IL1RAPL1: variants seen among roughly 807,000 people sequenced by gnomAD.
IL1RAPL1 encodes the protein interleukin 1 receptor accessory protein like 1.
In IL1RAPL1, 3 loss-of-function variants were observed where a neutral mutation model predicts 48.4. The ratio of observed to expected loss-of-function variants is 0.06; its 90% CI spans 0.03 to 0.16. The LOEUF (loss-of-function observed/expected upper bound fraction) is 0.16, where lower values mean the gene tolerates loss of function less well. IL1RAPL1 is among the 10% of genes least tolerant of loss of function. The pLI is 1.00. For missense variants in IL1RAPL1, 349 were observed against 530.6 expected, an observed-to-expected ratio of 0.66 and a Z score of 3.36; for synonymous variants, 185 against 187.7, an observed-to-expected ratio of 0.99 and a Z score of 0.12.
At chrX:28,650,566 A>G (rs1934671240) in intron 1 of IL1RAPL1, among the ~76,000 whole-genome samples, 2 of 111,822 alleles carry the variant, frequency 1.8e-5, no homozygotes, top group African/African-American at 6.5e-5. Context: ...GGGGACACAG[A>G]CAAACCATAT....
At chrX:29,563,829 A>G (rs1922317160) in intron 5 of IL1RAPL1, among the ~76,000 whole-genome samples, 1 of 112,285 alleles carries the variant, frequency 8.9e-6, no homozygotes, top group South Asian at 3.7e-4. Flanking sequence ...GCAATCCTGT[A>G]TCTAATGCTA....
At chrX:29,747,911 A>G (rs1285138615) in intron 6 of IL1RAPL1, among the ~76,000 whole-genome samples, 1 of 112,232 alleles carries the variant, frequency 8.9e-6, no homozygotes, top group African/African-American at 3.2e-5. Flanking sequence ...CAACGCTAGT[A>G]CTACAGAGCT....
chrX:28,644,939 G>A (rs759787711), intron 1 of IL1RAPL1, among the ~76,000 whole-genome samples: 1 of 111,175 alleles, frequency 9.0e-6, no homozygotes, highest in South Asian at 3.8e-4. Context: ...GAGCTCTATT[G>A]GCTATGTAGT....
intron 1 of IL1RAPL1, among the ~76,000 whole-genome samples, chrX:28,786,660 T>C (rs1936478661): frequency 8.9e-6 from 1 of 111,933 alleles, no homozygotes; most frequent in East Asian, 2.8e-4. Flanking sequence ...GACTTTCTGC[T>C]CTTAACCATT....
intron 6 of IL1RAPL1, among the ~76,000 whole-genome samples, chrX:29,867,559 C>A (rs1931721242): frequency 1.8e-5 from 2 of 111,939 alleles, no homozygotes; most frequent in Non-Finnish European, 3.8e-5. Flanking sequence ...CTTGCACTTC[C>A]CAGCCTTCAG....
At chrX:29,580,870 T>C (rs951160964) in intron 5 of IL1RAPL1, among the ~76,000 whole-genome samples, 2 of 112,267 alleles carry the variant, frequency 1.8e-5, no homozygotes, top group Non-Finnish European at 3.8e-5. Context: ...TCCTCTACTA[T>C]TGCATTTTCT....
At chrX:29,303,148 C>T (rs1033750428) in intron 3 of IL1RAPL1, among the ~76,000 whole-genome samples, 10 of 111,401 alleles carry the variant, frequency 9.0e-5, no homozygotes, top group South Asian at 3.8e-4. Context: ...GAGGGTGTCA[C>T]GTATTTGTAA....
intron 3 of IL1RAPL1, among the ~76,000 whole-genome samples, chrX:29,339,242 A>G (rs1231173798): frequency 8.9e-6 from 1 of 111,924 alleles, no homozygotes; most frequent in Non-Finnish European, 1.9e-5. Flanking sequence ...ACTCCTGTAC[A>G]TTTTGGCTAT....
chrX:29,660,239 C>G (rs1250220205), intron 5 of IL1RAPL1, among the ~76,000 whole-genome samples: 1 of 112,031 alleles, frequency 8.9e-6, no homozygotes, highest in Non-Finnish European at 1.9e-5. Flanking sequence ...CAAACCATAT[C>G]ACCTTGTCAG....
intron 5 of IL1RAPL1, among the ~76,000 whole-genome samples, chrX:29,627,597 G>A (rs4076956): frequency 0.13 from 14,745 of 111,176 alleles, 1,082 homozygotes; most frequent in African/African-American, 0.27. Context: ...ATGGTTTCCT[G>A]ATGGATTGAC....
chrX:29,025,873 A>T (rs1406701297), intron 2 of IL1RAPL1, among the ~76,000 whole-genome samples: 2 of 111,498 alleles, frequency 1.8e-5, no homozygotes, highest in Non-Finnish European at 3.8e-5. Context: ...TGCTTATTTT[A>T]TGTGAATTTC....
intron 3 of IL1RAPL1, among the ~76,000 whole-genome samples, chrX:29,293,784 G>A (rs1932406780): frequency 9.0e-6 from 1 of 111,020 alleles, no homozygotes; most frequent in African/African-American, 3.3e-5. Context: ...GCTATACAGG[G>A]TTATACTGTG....
intron 5 of IL1RAPL1, among the ~76,000 whole-genome samples, chrX:29,475,662 A>C (rs1934964890): frequency 8.9e-6 from 1 of 111,839 alleles, no homozygotes; most frequent in Non-Finnish European, 1.9e-5. Context: ...ATTGTTTCAA[A>C]ATGTGCATTT....
intron 2 of IL1RAPL1, among the ~76,000 whole-genome samples, chrX:29,055,889 T>C (rs1330484577): frequency 8.9e-6 from 1 of 111,863 alleles, no homozygotes; most frequent in Non-Finnish European, 1.9e-5. Flanking sequence ...TTCCCATGTC[T>C]ATTTTAGGAT....
Position 29,917,453 on chromosome X carries a change from T to G in IL1RAPL1, c.779-11T>G. 1 of 1,207,916 alleles carries G rather than the reference T, an allele frequency of 8.3e-7. No individual in the cohort carries two copies. The highest frequency in any genetic ancestry group is 3.0e-5 in the East Asian group (1 of 33,770). On this transcript the variant is annotated splice_polypyrimidine_tract_variant and intron_variant, in intron 6 of 10. Coordinates refer to ENST00000378993, the MANE Select transcript of IL1RAPL1 (RefSeq NM_014271.4). ...AGTTTTATAACACTTTTCCATCACT[T>G]CTCTCTGCAGGTGACTCTGCTAATC...
chrX:29,755,693 T>G (rs2147142858), intron 6 of IL1RAPL1, among the ~76,000 whole-genome samples: 1 of 112,159 alleles, frequency 8.9e-6, no homozygotes, highest in East Asian at 2.8e-4. Flanking sequence ...TACATAAAAT[T>G]ATCTGGAAAC....
chrX:29,803,329 GTA>G lies in IL1RAPL1; in HGVS notation c.779-114132_779-114131del, dbSNP rs1178468462. 3.2e-3 allele frequency among the ~76,000 whole-genome samples: 147 copies of G among 46,575 alleles called. 6 individuals are homozygous for G. The highest frequency in any genetic ancestry group is 4.9e-3 in the Non-Finnish European group (129 of 26,376). 40.4% of individuals were successfully genotyped at this position (46,575 alleles called of 115,157 possible). ...TACACACATGTATATATGTATACAT[GTA>G]TACACATATGTATATATGTATACAT... On this transcript the variant is annotated intron_variant, in intron 6 of 10. Transcript: ENST00000378993.
chrX:28,743,296 T>C (rs923797731), intron 1 of IL1RAPL1, among the ~76,000 whole-genome samples: 3 of 111,796 alleles, frequency 2.7e-5, no homozygotes, highest in Non-Finnish European at 5.7e-5. Context: ...CTTACAATCA[T>C]ATCCTTATCA....
At position 29,282,948 on chromosome X, in the gene IL1RAPL1, C is replaced by T; in HGVS notation, c.93C>T (p.Cys31=). The change falls in exon 3 of 11, where the codon TGC becomes TGT. Residue 31 remains cysteine (C), a synonymous_variant. Transcript: ENST00000378993. ...VVTKRGSADG[C]TDWSIDIKKY... ...CTTTTTTTACGATAGCCGATGGATG[C>T]ACTGACTGGTCTATCGATATCAAGA... The T allele has an allele frequency of 8.3e-7, 1 of 1,210,728 alleles. No individual in the cohort carries two copies. The highest frequency in any genetic ancestry group is 1.7e-5 in the African/African-American group (1 of 57,798).
Sources: gnomAD v4.1 joint callset for allele counts (sites outside exome capture counted in the v4.1 genomes callset) on GRCh38, gnomAD v4.1.1 for gene constraint, MANE v1.5 for transcripts, NCBI Gene and HGNC (gene_info 2026-07-23, HGNC 2026-07-21) for gene names.